Variants in IRAG2 observed in about 807,000 individuals in gnomAD.
IRAG2 encodes inositol 1,4,5-triphosphate receptor associated 2.
Under a neutral mutation model 69.9 loss-of-function variants are expected in IRAG2, and 45 were observed. That is an observed-to-expected ratio of 0.64 (90% CI 0.51 to 0.83). The LOEUF is 0.83. Among genes scored for constraint, IRAG2 ranks in the 40% least tolerant of loss-of-function variants. IRAG2 has a pLI of 0.00. For synonymous variants in IRAG2, 193 were observed against 202.4 expected, an observed-to-expected ratio of 0.95 and a Z score of 0.40; for missense variants, 520 against 587.0, an observed-to-expected ratio of 0.89 and a Z score of 1.18.
intron 7 of IRAG2, chr12:25,020,923 T>C (rs986589800): frequency 7.0e-5 from 83 of 1,178,316 alleles, no homozygotes; most frequent in Admixed American, 5.5e-4. Context: ...TCATCTATTA[T>C]AGTACTTTGA....
At chr12:25,048,151 C>T (rs1944812259), upstream of IRAG2, among the ~76,000 whole-genome samples, 1 of 152,156 alleles carries the variant, frequency 6.6e-6, no homozygotes, top group Non-Finnish European at 1.5e-5. Context: ...TTAATAATTG[C>T]CATTCTGGCT....
At chr12:25,102,113 C>A (rs1948789271) in intron 16 of IRAG2, 85 bp from the exon 17 acceptor site, 1 of 1,011,002 alleles carries the variant, frequency 9.9e-7, no homozygotes, top group Non-Finnish European at 1.6e-6. Flanking sequence ...CTGAATTTTG[C>A]TTTACCTTTA....
intron 10 of IRAG2, among the ~76,000 whole-genome samples, chr12:25,087,549 T>G (rs1023934617): frequency 1.3e-5 from 2 of 152,178 alleles, no homozygotes; most frequent in Non-Finnish European, 2.9e-5. Context: ...GTAATTCACA[T>G]CATGTTTGCA....
chr12:25,013,335 A>G (rs1339505879), intron 3 of IRAG2, among the ~76,000 whole-genome samples: 1 of 152,110 alleles, frequency 6.6e-6, no homozygotes, highest in African/African-American at 2.4e-5. Context: ...AAAATTAGCC[A>G]GGAGTGGTGG....
upstream of IRAG2, among the ~76,000 whole-genome samples, chr12:25,002,138 A>C (rs978572083): frequency 3.3e-5 from 5 of 152,112 alleles, no homozygotes; most frequent in Admixed American, 2.0e-4. Context: ...TCAACTGTAG[A>C]TTTGGAATGC....
chr12:25,076,098 C>T (rs1460373023), intron 6 of IRAG2, among the ~76,000 whole-genome samples: 1 of 152,084 alleles, frequency 6.6e-6, no homozygotes, highest in African/African-American at 2.4e-5. Flanking sequence ...ATCTTCTTTA[C>T]TCTAGTTAGT....
rs191257695 is a variant in IRAG2 at position 25,072,865 on chromosome 12, C to T, written c.24+3434C>T. 4.8e-3 allele frequency among the ~76,000 whole-genome samples: 730 copies of T among 152,364 alleles called. 3 individuals are homozygous for T. The highest frequency in any genetic ancestry group is 8.0e-3 in the Non-Finnish European group (545 of 68,034). On this transcript the variant is annotated intron_variant, in intron 6 of 21. Coordinates refer to ENST00000556887, the MANE Select transcript of IRAG2 (RefSeq NM_001366544.2). ...ATATTGTCAGAATATATCACGCAAA[C>T]GTGTTTGTGCTGTTTTCTTTGCCCA...
intron 15 of IRAG2, among the ~76,000 whole-genome samples, chr12:25,097,917 A>C (rs1227139820): frequency 6.6e-6 from 1 of 152,150 alleles, no homozygotes; most frequent in Non-Finnish European, 1.5e-5. Flanking sequence ...TCATGCTGCC[A>C]TTTAGTGATT....
At chr12:25,032,093 T>C (rs570192931) in intron 10 of IRAG2, 34 of 398,560 alleles carry the variant, frequency 8.5e-5, no homozygotes, top group African/African-American at 5.9e-4. Context: ...ATATATGATT[T>C]GGTGGACCCA....
intron 1 of IRAG2, among the ~76,000 whole-genome samples, chr12:25,057,555 A>C (rs1420910022): frequency 6.6e-6 from 1 of 152,118 alleles, no homozygotes; most frequent in South Asian, 2.1e-4. Flanking sequence ...CACTCTGCCC[A>C]GCTGCATGTA....
chr12:25,101,299 G>A lies in IRAG2; in HGVS notation c.863G>A (p.Arg288Lys). The A allele has an allele frequency of 6.2e-7, 1 of 1,605,814 alleles. No homozygotes were observed. Among genetic ancestry groups the A allele is most frequent in the Non-Finnish European group, 8.5e-7 (1 of 1,175,514 alleles). ...ELKQVLLQNE[R>K]SFNPLEDDDD... ...AAACAGGTTCTTCTGCAGAATGAAA[G>A]GTCTTTCAATCCTCTTGAAGATGAT... Residue 288 changes from arginine (R) to lysine (K), a missense_variant, in exon 16 of 22, where the codon AGG (arginine) becomes AAG (lysine). Coordinates refer to ENST00000556887, the MANE Select transcript of IRAG2 (RefSeq NM_001366544.2).
In IRAG2 at chr12:25,106,999, C is replaced by T; in HGVS notation, c.1205C>T (p.Pro402Leu). Residue 402 changes from proline (P) to leucine (L), a missense_variant, in exon 21 of 22, where the codon CCA (proline) becomes CTA (leucine). Pro to Leu is a moderately conservative substitution (Grantham distance 98). Transcript: ENST00000556887. ...GEETVERTRK[P>L]SLSEKKNNPS... ...GAAACAGTAGAAAGGACAAGGAAGC[C>T]AAGTCTTTCTGAAAAGAAAAATAAT... 1 of 1,607,722 alleles carries T rather than the reference C, an allele frequency of 6.2e-7. No homozygotes were observed. The highest frequency in any genetic ancestry group is 8.5e-7 in the Non-Finnish European group (1 of 1,176,352).
At chr12:25,058,287 A>G (rs907262120) in intron 1 of IRAG2, among the ~76,000 whole-genome samples, 2 of 152,172 alleles carry the variant, frequency 1.3e-5, no homozygotes, top group Admixed American at 1.3e-4. Flanking sequence ...TAGCCACTCT[A>G]CTAAATGGGT....
chr12:25,107,737 C>T lies in IRAG2; in HGVS notation c.1257-80C>T, dbSNP rs1949298896. 1.4e-5 allele frequency: 19 copies of T among 1,388,824 alleles called. No individual in the cohort carries two copies. The South Asian group carries it at 2.3e-4, about 17-fold the overall frequency. 86.0% of individuals were successfully genotyped at this position (1,388,824 alleles called of 1,614,324 possible). On this transcript the variant is annotated intron_variant, in intron 21 of 21. Transcript: ENST00000556887. Reference sequence around the variant, plus strand: ...TTTGGGGGTATGAAGGGCAGATCACCTGACTGGTGGTGTTAGCAAAAGGAA... The same window carrying T: ...TTTGGGGGTATGAAGGGCAGATCACTTGACTGGTGGTGTTAGCAAAAGGAA...
At chr12:25,024,073 G>A (rs1042027827) in intron 8 of IRAG2, among the ~76,000 whole-genome samples, 11 of 152,188 alleles carry the variant, frequency 7.2e-5, no homozygotes, top group African/African-American at 2.4e-4. Flanking sequence ...AGGAGGAATG[G>A]ATGGGATTTT....
At chr12:25,091,816 G>A (rs1351291274) in intron 14 of IRAG2, among the ~76,000 whole-genome samples, 1 of 152,150 alleles carries the variant, frequency 6.6e-6, no homozygotes, top group Non-Finnish European at 1.5e-5. Flanking sequence ...TGGATGTGAG[G>A]TGGTATCTTA....
chr12:25,059,898 A>G (rs1398611116), intron 1 of IRAG2, among the ~76,000 whole-genome samples: 2 of 152,178 alleles, frequency 1.3e-5, no homozygotes, highest in African/African-American at 2.4e-5. Flanking sequence ...ACTTCTTTTC[A>G]TTAGCATTAT....
At chr12:25,017,105 G>A (rs966048087) in intron 5 of IRAG2, 4 of 1,226,794 alleles carry the variant, frequency 3.3e-6, no homozygotes, top group Non-Finnish European at 4.1e-6. Context: ...TGATGTGAAG[G>A]TTATTCTCAT....
intron 9 of IRAG2, 120 bp downstream of exon 9, chr12:25,079,883 A>G: frequency 3.2e-6 from 2 of 623,322 alleles, no homozygotes; most frequent in Non-Finnish European, 2.8e-6. Context: ...TTGTAAAATA[A>G]TTCTTATAAA....
Sources: allele counts gnomAD v4.1 joint callset (sites outside exome capture counted in the v4.1 genomes callset), GRCh38; gene constraint gnomAD v4.1.1; transcripts MANE v1.5; gene names NCBI Gene and HGNC (gene_info 2026-07-23, HGNC 2026-07-21).